Variants in ZNF468 observed in about 807,000 individuals in gnomAD.
ZNF468 encodes zinc finger protein ZNF468.
A neutral mutation model predicts 7.2 loss-of-function variants in ZNF468; 8 were observed. That is an observed-to-expected ratio of 1.11 (90% CI 0.65 to 2.01). The LOEUF is 2.01. Ranked by LOEUF, ZNF468 falls within the 30% of genes most tolerant of loss-of-function variation. ZNF468 has a pLI of 0.00. For synonymous variants in ZNF468, 218 were observed against 214.4 expected (o/e 1.02, Z -0.15); for missense variants, 608 against 626.5 (o/e 0.97, Z 0.31).
Position 52,841,922 on chromosome 19 carries a change from G to C in ZNF468, c.372C>G (p.Gly124=). 1.2e-6 allele frequency: 2 copies of C among 1,613,980 alleles called. No individual in the cohort carries two copies. The highest frequency in any genetic ancestry group is 1.7e-6 in the Non-Finnish European group (2 of 1,179,962). Residue 124 remains glycine, a synonymous_variant, in exon 4 of 4, where the codon GGC becomes GGG. Coordinates refer to ENST00000595646, the MANE Select transcript of ZNF468 (RefSeq NM_001008801.2). ...TTCCAGCATGCCTTTGATCATGTTGGCCTGTACTACCAGCCAACTCTTTGA... is the reference window on the plus strand; with the variant it reads ...TTCCAGCATGCCTTTGATCATGTTGCCCTGTACTACCAGCCAACTCTTTGA... ...TEIKELAGST[G]QHDQRHAGNK...
At position 52,841,949 on chromosome 19, in the gene ZNF468, T is replaced by G; in HGVS notation, c.345A>C (p.Glu115Asp). Reference sequence around the variant, plus strand: ...CTGTACTACCAGCCAACTCTTTGATTTCTGTCATGGGTGCTGCATGGCCAT... The same window carrying G: ...CTGTACTACCAGCCAACTCTTTGATGTCTGTCATGGGTGCTGCATGGCCAT... ...ETNGHAAPMT[E>D]IKELAGSTGQ... Residue 115 changes from glutamate (E) to aspartate (D), a missense_variant, in exon 4 of 4, where the codon GAA becomes GAC. Transcript: ENST00000595646. 5 of 1,613,834 alleles carry G rather than the reference T, an allele frequency of 3.1e-6. No individual in the cohort carries two copies. Among genetic ancestry groups the G allele is most frequent in the Non-Finnish European group, 4.2e-6 (5 of 1,179,814 alleles).
Position 52,841,196 on chromosome 19 carries a change from T to C in ZNF468, c.1098A>G (p.Arg366=). The change falls in exon 4 of 4, where the codon CGA becomes CGG. Residue 366 remains arginine (R), a synonymous_variant. Transcript: ENST00000595646. ...TCNECGKVFN[R]LSTLARHHRL... ...TATGATGGCGTGCAAGGGTTGATAG[T>C]CGATTAAAAACTTTGCCACATTCAT... 1 of 1,612,756 alleles carries C rather than the reference T, an allele frequency of 6.2e-7. No homozygotes were observed.
chr19:52,840,929 T>G lies in ZNF468; in HGVS notation c.1365A>C (p.Ala455=). ...CTCCAGTATGAACTCTCTGATGTTG[T>G]GCCAGGTGTGAATCCCTCTGGAAAG... ...DKAFQRDSHL[A]QHQRVHTGEK... The change falls in exon 4 of 4, where the codon GCA becomes GCC. Residue 455 remains alanine, a synonymous_variant. Transcript: ENST00000595646. The G allele has an allele frequency of 6.2e-7, 1 of 1,614,020 alleles. No individual in the cohort carries two copies. Among genetic ancestry groups the G allele is most frequent in the Non-Finnish European group, 8.5e-7 (1 of 1,179,990 alleles).
intron 2 of ZNF468, among the ~76,000 whole-genome samples, chr19:52,852,208 A>C (rs769139883): frequency 2.4e-4 from 37 of 151,954 alleles, no homozygotes; most frequent in Non-Finnish European, 4.6e-4. Flanking sequence ...TTTACTAAAA[A>C]TACAAAAATT....
intron 2 of ZNF468, among the ~76,000 whole-genome samples, chr19:52,852,225 G>C (rs1322330707): frequency 4.6e-5 from 7 of 151,936 alleles, no homozygotes; most frequent in Admixed American, 6.6e-5. Flanking sequence ...AATTAGCCAG[G>C]CATGGTGGCT....
chr19:52,852,141 G>A (rs2063395555), intron 2 of ZNF468, among the ~76,000 whole-genome samples: 1 of 151,852 alleles, frequency 6.6e-6, no homozygotes, highest in Non-Finnish European at 1.5e-5. Context: ...TGAGGCAGGT[G>A]GATCACCTGA....
Position 52,854,335 on chromosome 19 carries a change from A to G in ZNF468, c.-63T>C. ...TCTTTCTCACGTACCAACAGTCTTT[A>G]GAAGTCAATCCTGAATGTTAAAAAT... On this transcript the variant is annotated 5_prime_UTR_variant, in exon 2 of 4. Transcript: ENST00000595646. 1 of 1,611,428 alleles carries G rather than the reference A, an allele frequency of 6.2e-7. No individual in the cohort carries two copies. The highest frequency in any genetic ancestry group is 8.5e-7 in the Non-Finnish European group (1 of 1,177,936).
intron 2 of ZNF468, among the ~76,000 whole-genome samples, chr19:52,850,826 GA>G (rs1443139344): frequency 5.9e-5 from 9 of 151,898 alleles, no homozygotes; most frequent in African/African-American, 1.9e-4. Context: ...GTGAACCCGG[GA>G]GGTGGAGCTT....
chr19:52,840,270 T>C lies in ZNF468; in HGVS notation c.*455A>G, dbSNP rs2063283466. The C allele has an allele frequency of 2.5e-6, 1 of 404,978 alleles. No individual in the cohort carries two copies. Among genetic ancestry groups the C allele is most frequent in the Non-Finnish European group, 4.9e-6 (1 of 204,522 alleles). The allele number at this position is 404,978 out of a possible 1,614,324, so 25.1% of individuals were successfully genotyped here. ...GTGTGATTGTTGATTAAAAACCATGTCACATTCATTGTGCTTGTAAGGTTT... is the reference window on the plus strand; with the variant it reads ...GTGTGATTGTTGATTAAAAACCATGCCACATTCATTGTGCTTGTAAGGTTT... On this transcript the variant is annotated 3_prime_UTR_variant, in exon 4 of 4. Coordinates refer to ENST00000595646, the MANE Select transcript of ZNF468 (RefSeq NM_001008801.2).
In ZNF468 at chr19:52,839,417, A is replaced by G; in HGVS notation, c.*1308T>C. ...GCCCCCAGTGCAATCCTCTTAACAT[A>G]AACAGTTTAATGGCAATTAATGCTT... On this transcript the variant is annotated 3_prime_UTR_variant, in exon 4 of 4. Coordinates refer to ENST00000595646, the MANE Select transcript of ZNF468 (RefSeq NM_001008801.2). 2.8e-6 allele frequency: 1 copy of G among 355,060 alleles called. No homozygotes were observed. The highest frequency in any genetic ancestry group is 5.6e-6 in the Non-Finnish European group (1 of 178,476). The allele number at this position is 355,060 out of a possible 1,614,324, so 22.0% of individuals were successfully genotyped here.
chr19:52,843,790 T>C (rs1433510944), intron 3 of ZNF468, among the ~76,000 whole-genome samples: 1 of 152,114 alleles, frequency 6.6e-6, no homozygotes, highest in Admixed American at 6.6e-5. Flanking sequence ...CCTTCTGATA[T>C]ATGAGGTCAA....
chr19:52,841,919 T>C lies in ZNF468; in HGVS notation c.375A>G (p.Gln125=). The change falls in exon 4 of 4, where the codon CAA becomes CAG. Residue 125 remains glutamine, a synonymous_variant. Transcript: ENST00000595646. Reference sequence around the variant, plus strand: ...TGTTTCCAGCATGCCTTTGATCATGTTGGCCTGTACTACCAGCCAACTCTT... The same window carrying C: ...TGTTTCCAGCATGCCTTTGATCATGCTGGCCTGTACTACCAGCCAACTCTT... The part of the protein sequence containing the change: ...EIKELAGSTG[Q]HDQRHAGNKR... 1 of 1,614,096 alleles carries C rather than the reference T, an allele frequency of 6.2e-7. No individual in the cohort carries two copies. The highest frequency in any genetic ancestry group is 8.5e-7 in the Non-Finnish European group (1 of 1,179,998).
intron 2 of ZNF468, among the ~76,000 whole-genome samples, chr19:52,850,616 T>A (rs558551394): frequency 6.6e-6 from 1 of 150,628 alleles, no homozygotes; most frequent in Non-Finnish European, 1.5e-5. Context: ...ATAACTATTA[T>A]GGGCCGGGCG....
intron 3 of ZNF468, among the ~76,000 whole-genome samples, chr19:52,847,399 C>T (rs909885195): frequency 3.4e-5 from 5 of 146,692 alleles, no homozygotes; most frequent in Admixed American, 6.9e-5. Flanking sequence ...AAGTTTCCCC[C>T]CACTGAGACA....
intron 2 of ZNF468, 64 bp from the exon 3 acceptor site, chr19:52,849,277 A>G (rs1274034108): frequency 1.9e-6 from 3 of 1,608,242 alleles, no homozygotes; most frequent in Non-Finnish European, 2.5e-6. Flanking sequence ...ACAAAAAATG[A>G]GAGGAGGAGA....
At position 52,841,152 on chromosome 19, in the gene ZNF468, TTC is replaced by T; in HGVS notation, c.1140_1141del (p.Lys381ThrfsTer5). The T allele has an allele frequency of 6.2e-7, 1 of 1,613,490 alleles. No homozygotes were observed. The highest frequency in any genetic ancestry group is 8.5e-7 in the Non-Finnish European group (1 of 1,179,550). On this transcript the variant is annotated frameshift_variant, in exon 4 of 4. Coordinates refer to ENST00000595646, the MANE Select transcript of ZNF468 (RefSeq NM_001008801.2). LOFTEE classifies it low-confidence loss of function (END_TRUNC). ...GTCACACTCTTCACATTTGTAAGGT[TTC>T]TCTCCAGTATGAAGTCTATGATGGC... is the stretch of plus-strand genomic sequence containing the variant.
At position 52,845,957 on chromosome 19, in the gene ZNF468, C is replaced by T. The variant is rs572693300; in HGVS notation, c.142+3130G>A. ...CGCAGAGTTTGGAGTGAGCTGAGAT[C>T]GCAGCATTGTACTTCAGCCTGGGTG... On this transcript the variant is annotated intron_variant, in intron 3 of 3. Transcript: ENST00000595646. 7.5e-4 allele frequency among the ~76,000 whole-genome samples: 109 copies of T among 145,400 alleles called. 4 individuals carry two copies. The South Asian group carries it at 0.02, about 27-fold the overall frequency.
chr19:52,853,583 A>C (rs111914374), intron 2 of ZNF468, among the ~76,000 whole-genome samples: 10,731 of 119,814 alleles, frequency 0.09, no homozygotes, highest in African/African-American at 0.13. Flanking sequence ...CCCAGCTACT[A>C]GGTGGGCTGA....
chr19:52,841,512 TG>T lies in ZNF468; in HGVS notation c.781del (p.His261IlefsTer223), dbSNP rs1329545276. 1 of 1,614,034 alleles carries T rather than the reference TG, an allele frequency of 6.2e-7. No individual in the cohort carries two copies. On this transcript the variant is annotated frameshift_variant, in exon 4 of 4. Coordinates refer to ENST00000595646, the MANE Select transcript of ZNF468 (RefSeq NM_001008801.2). LOFTEE classifies it low-confidence loss of function (END_TRUNC). ...VFNQKRYLAC[H>X]RRCHTGEKPY... The stretch of plus-strand genomic sequence containing the variant: ...TTTCTCACCAGTGTGACATCTACGA[TG>T]GCAGGCAAGGTATCGCTTCTGATTA...
Sources: gnomAD v4.1 joint callset for allele counts (sites outside exome capture counted in the v4.1 genomes callset) on GRCh38, gnomAD v4.1.1 for gene constraint, MANE v1.5 for transcripts, NCBI Gene and HGNC (gene_info 2026-07-23, HGNC 2026-07-21) for gene names.